CHODL: variants seen among roughly 807,000 people sequenced by gnomAD.
The protein encoded by CHODL is transmembrane protein MT75.
Under a neutral mutation model 34.5 loss-of-function variants are expected in CHODL, and 29 were observed. The ratio of observed to expected loss-of-function variants is 0.84; its 90% confidence interval spans 0.63 to 1.15. The LOEUF (loss-of-function observed/expected upper bound fraction) is 1.15, where lower values mean the gene tolerates loss of function less well. Ranked by LOEUF, CHODL falls within the 50% of genes most tolerant of loss-of-function variation. The probability of loss-of-function intolerance (pLI) is 0.00; values close to 1 mark genes in which losing one functional copy is unlikely to be tolerated. For synonymous variants in CHODL, 125 were observed against 116.1 expected, an observed-to-expected ratio of 1.08 and a Z score of -0.49; for missense variants, 332 against 332.5, an observed-to-expected ratio of 1.00 and a Z score of 0.01.
At chr21:18,164,126 G>C (rs757413352) in intron 2 of CHODL, among the ~76,000 whole-genome samples, 27 of 152,182 alleles carry the variant, frequency 1.8e-4, no homozygotes, top group Admixed American at 2.6e-4. Flanking sequence ...CTGACTGCAG[G>C]CTGAAGGAAA....
intron 2 of CHODL, among the ~76,000 whole-genome samples, chr21:18,138,949 G>A (rs1491775): frequency 0.078 from 11,916 of 152,136 alleles, 1,481 homozygotes; most frequent in African/African-American, 0.26. Context: ...ATGAACTCAA[G>A]TGCAGTTGCA....
intron 2 of CHODL, among the ~76,000 whole-genome samples, chr21:18,062,632 G>C (rs1252895669): frequency 1.3e-5 from 2 of 152,134 alleles, no homozygotes; most frequent in Non-Finnish European, 2.9e-5. Context: ...CCGATGTGGT[G>C]GTGCCCACCT....
chr21:18,214,992 A>G (rs2073809934), intron 2 of CHODL, among the ~76,000 whole-genome samples: 1 of 152,180 alleles, frequency 6.6e-6, no homozygotes, highest in African/African-American at 2.4e-5. Flanking sequence ...ATTTAACAAG[A>G]AAATATAAGC....
chr21:18,133,522 G>T (rs2072683283), intron 2 of CHODL, among the ~76,000 whole-genome samples: 1 of 151,198 alleles, frequency 6.6e-6, no homozygotes, highest in South Asian at 2.1e-4. Context: ...TGCATATCTT[G>T]TATCCACTTT....
At chr21:18,193,940 C>A (rs1473548443) in intron 2 of CHODL, among the ~76,000 whole-genome samples, 1 of 151,956 alleles carries the variant, frequency 6.6e-6, no homozygotes, top group Non-Finnish European at 1.5e-5. Flanking sequence ...CATCGTCATT[C>A]AATTTTCAGT....
At chr21:18,146,881 CTAA>C (rs2072897171) in intron 2 of CHODL, among the ~76,000 whole-genome samples, 3 of 152,286 alleles carry the variant, frequency 2.0e-5, no homozygotes, top group South Asian at 2.1e-4. Flanking sequence ...GTGTTTCTGA[CTAA>C]TGTTATTTTG....
chr21:18,145,964 TG>T (rs974011801), intron 2 of CHODL, among the ~76,000 whole-genome samples: 9 of 142,170 alleles, frequency 6.3e-5, no homozygotes, highest in South Asian at 4.5e-4. Flanking sequence ...TTTTGTTTTT[TG>T]TTGTTGTTGT....
chr21:18,071,516 C>T lies in CHODL; in HGVS notation c.-45+43545C>T, dbSNP rs1422234003. Among the ~76,000 whole-genome samples the T allele has an allele frequency of 2.6e-5, 4 of 152,032 alleles. No homozygotes were observed. The South Asian group carries it at 6.2e-4, about 24-fold the overall frequency. On this transcript the variant is annotated intron_variant, in intron 2 of 6. Transcript: ENST00000400127. ...TCAGTTCTACCCTCTACATGATTCCCTATGTGATTTTTCTAAGAGACAATT... is the reference window on the plus strand; with the variant it reads ...TCAGTTCTACCCTCTACATGATTCCTTATGTGATTTTTCTAAGAGACAATT...
chr21:18,047,149 C>CT lies in CHODL; in HGVS notation c.-45+19180dup, dbSNP rs1176388287. 2.0e-5 allele frequency among the ~76,000 whole-genome samples: 3 copies of CT among 152,020 alleles called. No individual in the cohort carries two copies. The East Asian group carries it at 5.8e-4, about 30-fold the overall frequency. On this transcript the variant is annotated intron_variant, in intron 2 of 6. Transcript: ENST00000400127. Reference sequence around the variant, plus strand: ...GGCTCAAAAAGCCTGAAAATCTGGACTTATGGATGCTCTTTCTAACCCTTC... The same window carrying CT: ...GGCTCAAAAAGCCTGAAAATCTGGACTTTATGGATGCTCTTTCTAACCCTTC...
At position 18,069,512 on chromosome 21, in the gene CHODL, A is replaced by T. The variant is rs894786337; in HGVS notation, c.-45+41541A>T. On this transcript the variant is annotated intron_variant, in intron 2 of 6. Coordinates refer to the CHODL transcript ENST00000400127. Reference sequence around the variant, plus strand: ...TAAAGTCTGTATAGTGTCCAGGGATATAAGGGGATTATATATATATATGTG... The same window carrying T: ...TAAAGTCTGTATAGTGTCCAGGGATTTAAGGGGATTATATATATATATGTG... 2.7e-5 allele frequency among the ~76,000 whole-genome samples: 4 copies of T among 149,534 alleles called. No individual in the cohort carries two copies. In the East Asian group the frequency reaches 7.7e-4, roughly 29 times the overall value.
intron 2 of CHODL, among the ~76,000 whole-genome samples, chr21:18,153,052 C>T (rs1017021567): frequency 7.2e-5 from 11 of 152,178 alleles, no homozygotes; most frequent in African/African-American, 2.4e-4. Context: ...ATGATCAATA[C>T]ACTCTATATT....
At chr21:18,156,168 A>G (rs1331837823) in intron 2 of CHODL, among the ~76,000 whole-genome samples, 1 of 152,212 alleles carries the variant, frequency 6.6e-6, no homozygotes, top group Non-Finnish European at 1.5e-5. Context: ...TTCTGAAGAA[A>G]TTTTGCACGG....
At chr21:18,017,139 G>A (rs1273367914) in intron 1 of CHODL, among the ~76,000 whole-genome samples, 1 of 152,202 alleles carries the variant, frequency 6.6e-6, no homozygotes, top group African/African-American at 2.4e-5. Context: ...GACTTTGCGG[G>A]ATTGTTGGAA....
At chr21:18,068,776 ATTTCT>A (rs893381098) in intron 2 of CHODL, among the ~76,000 whole-genome samples, 1 of 151,064 alleles carries the variant, frequency 6.6e-6, no homozygotes, top group African/African-American at 2.5e-5. Context: ...TTATAAGGAA[ATTTCT>A]TTTTTTTTTT....
At chr21:18,149,126 T>G (rs1321009613) in intron 2 of CHODL, among the ~76,000 whole-genome samples, 1 of 152,214 alleles carries the variant, frequency 6.6e-6, no homozygotes, top group Non-Finnish European at 1.5e-5. Flanking sequence ...GAGGTAGGTT[T>G]TGGATTAGGC....
chr21:18,196,878 A>G (rs2073594242), intron 2 of CHODL, among the ~76,000 whole-genome samples: 2 of 152,150 alleles, frequency 1.3e-5, no homozygotes, highest in East Asian at 1.9e-4. Context: ...ATGCCAATGA[A>G]TTGTTCTGGA....
chr21:18,246,097 C>T, intron 1 of CHODL: 1 of 687,990 alleles, frequency 1.5e-6, no homozygotes, highest in Non-Finnish European at 2.6e-6. Context: ...ATTTATATTG[C>T]AATTACTCTC....
In CHODL at chr21:17,929,711, CT is replaced by C. The variant is rs199904913; in HGVS notation, c.-145+12313del. Among the ~76,000 whole-genome samples the C allele has an allele frequency of 7.6e-3, 1,152 of 152,332 alleles. 18 individuals carry two copies. Among genetic ancestry groups the C allele is most frequent in the African/African-American group, 0.026 (1,072 of 41,574 alleles). ...GGGGCCTCCAGTCTAACACAGGGAA[CT>C]TGCCCGGAGATTGCGCAGAGGCACT... On this transcript the variant is annotated intron_variant, in intron 1 of 6. Transcript: ENST00000400127.
At chr21:18,094,565 G>T (rs2065114835) in intron 2 of CHODL, among the ~76,000 whole-genome samples, 1 of 151,980 alleles carries the variant, frequency 6.6e-6, no homozygotes, top group African/African-American at 2.4e-5. Flanking sequence ...TGGAAATGAT[G>T]AAAACACATG....
Sources: allele counts gnomAD v4.1 joint callset (sites outside exome capture counted in the v4.1 genomes callset), GRCh38; gene constraint gnomAD v4.1.1; transcripts MANE v1.5; gene names NCBI Gene and HGNC (gene_info 2026-07-23, HGNC 2026-07-21).